Variants in NRG1 observed in about 807,000 individuals in gnomAD.
The protein encoded by NRG1 is pro-neuregulin-1, membrane-bound isoform.
In NRG1, 18 loss-of-function variants were observed where a neutral mutation model predicts 63.8. The ratio of observed to expected loss-of-function variants is 0.28; its 90% confidence interval spans 0.19 to 0.42. The LOEUF (loss-of-function observed/expected upper bound fraction) is 0.42, where lower values mean the gene tolerates loss of function less well. Ranked by LOEUF, NRG1 falls within the 10% of genes least tolerant of loss-of-function variation. NRG1 has a pLI of 1.00. For missense variants in NRG1, 762 were observed against 814.7 expected, an observed-to-expected ratio of 0.94 and a Z score of 0.79; for synonymous variants, 302 against 301.3, an observed-to-expected ratio of 1.00 and a Z score of -0.02.
intron 1 of NRG1, among the ~76,000 whole-genome samples, chr8:31,891,340 A>G (rs1181406700): frequency 6.6e-6 from 1 of 152,180 alleles, no homozygotes; most frequent in Non-Finnish European, 1.5e-5. Flanking sequence ...ACAAAGAGAT[A>G]TTTCACCAAA....
intron 1 of NRG1, among the ~76,000 whole-genome samples, chr8:32,157,393 G>A (rs549334835): frequency 3.0e-4 from 45 of 149,614 alleles, no homozygotes; most frequent in African/African-American, 1.0e-3. Context: ...CGGGCATGGC[G>A]GCTCACGCCT....
chr8:31,823,075 T>C lies in NRG1; in HGVS notation c.37+183644T>C, dbSNP rs543130019. On this transcript the variant is annotated intron_variant, in intron 1 of 10. Coordinates refer to the NRG1 transcript ENST00000519301. Reference sequence around the variant, plus strand: ...AATTATGACCAAAGGTATGTGTGTGTGTGGTAGTTTGGTTTATACTTGCTT... The same window carrying C: ...AATTATGACCAAAGGTATGTGTGTGCGTGGTAGTTTGGTTTATACTTGCTT... 3.8e-4 allele frequency among the ~76,000 whole-genome samples: 57 copies of C among 151,528 alleles called. 1 individual carries two copies. The highest frequency in any genetic ancestry group is 1.3e-3 in the African/African-American group (52 of 41,366).
At chr8:32,250,644 ACTGTTATTATAAAATGAATTTAGTAAC>A (rs1849004887) in intron 1 of NRG1, among the ~76,000 whole-genome samples, 1 of 152,168 alleles carries the variant, frequency 6.6e-6, no homozygotes, top group Non-Finnish European at 1.5e-5. Flanking sequence ...ATCTTTTAAA[ACTGTTATTATAAAATGAATTTAGTAAC>A]CTTTTCAAAA....
At chr8:31,700,423 G>T (rs1418269272) in intron 1 of NRG1, among the ~76,000 whole-genome samples, 1 of 152,174 alleles carries the variant, frequency 6.6e-6, no homozygotes, top group Non-Finnish European at 1.5e-5. Flanking sequence ...GATGGTTTGT[G>T]TGGAGCTGGT....
intron 1 of NRG1, among the ~76,000 whole-genome samples, chr8:32,594,890 A>G (rs1017385662): frequency 3.3e-5 from 5 of 152,210 alleles, no homozygotes; most frequent in African/African-American, 1.2e-4. Flanking sequence ...GAGTGATAGC[A>G]TCAGAGAATT....
intron 1 of NRG1, among the ~76,000 whole-genome samples, chr8:31,999,388 G>C (rs1223183109): frequency 1.3e-5 from 2 of 151,930 alleles, no homozygotes; most frequent in Admixed American, 6.6e-5. Flanking sequence ...CTTGTGGTCA[G>C]AATCAAGTGG....
intron 1 of NRG1, among the ~76,000 whole-genome samples, chr8:31,653,972 G>C (rs1007821530): frequency 3.4e-5 from 5 of 148,786 alleles, no homozygotes; most frequent in African/African-American, 5.0e-5. Context: ...TTTTTTCATA[G>C]TAGGATAAAT....
chr8:32,314,617 G>A (rs1374316967), intron 1 of NRG1, among the ~76,000 whole-genome samples: 1 of 152,172 alleles, frequency 6.6e-6, no homozygotes, highest in Non-Finnish European at 1.5e-5. Context: ...TCTTTCCAAA[G>A]AGATTCATTA....
Position 32,416,529 on chromosome 8 carries a change from A to C in NRG1, c.38-179299A>C, listed in dbSNP as rs756285361. Among the ~76,000 whole-genome samples, 44 of 152,318 alleles carry C rather than the reference A, an allele frequency of 2.9e-4. 1 individual carries two copies. The highest frequency in any genetic ancestry group is 3.4e-3 in the Middle Eastern group (1 of 294). ...CGAATATAGGCTTTTAACCAGCAGA[A>C]TCAGCATTACTTGACCCGAAAACTT... is the stretch of plus-strand genomic sequence containing the variant. On this transcript the variant is annotated intron_variant, in intron 1 of 10. Coordinates refer to the NRG1 transcript ENST00000519301.
intron 1 of NRG1, among the ~76,000 whole-genome samples, chr8:32,297,030 G>A (rs143911147): frequency 0.056 from 8,459 of 152,050 alleles, 279 homozygotes; most frequent in South Asian, 0.071. Context: ...CAGGAGAATC[G>A]CTTGAAACCA....
chr8:32,233,563 A>ATATATATATATATATATTTT (rs34593729), intron 1 of NRG1, among the ~76,000 whole-genome samples: 3 of 67,254 alleles, frequency 4.5e-5, no homozygotes, highest in African/African-American at 2.4e-4. Context: ...ATATATATAT[A>ATATATATATATATATATTTT]TTTTTTTTTT....
chr8:32,012,888 C>A (rs76542619), intron 1 of NRG1, among the ~76,000 whole-genome samples: 1 of 151,928 alleles, frequency 6.6e-6, no homozygotes, highest in Non-Finnish European at 1.5e-5. Flanking sequence ...GTTTTTTTTA[C>A]GCATTTTTGT....
In NRG1 at chr8:32,763,806, A is replaced by G. The variant is rs762920974; in HGVS notation, c.1318A>G (p.Ser440Gly). The G allele has an allele frequency of 5.0e-6, 8 of 1,596,476 alleles. No homozygotes were observed. The South Asian group carries it at 9.1e-5, about 18-fold the overall frequency. ...GTCACCTGTAGATTTCCACACGCCA[A>G]GCTCCCCCAAATCGCCCCCTTCGGA... The change falls in exon 12 of 12, where the codon AGC becomes GGC. Residue 440 changes from serine to glycine, a missense_variant. Physicochemically the swap from Ser to Gly is moderately conservative, Grantham distance 56. Transcript: ENST00000356819.
intron 1 of NRG1, among the ~76,000 whole-genome samples, chr8:32,255,542 G>A (rs1849601293): frequency 6.6e-6 from 1 of 152,126 alleles, no homozygotes; most frequent in Non-Finnish European, 1.5e-5. Context: ...TGGCTTGTAG[G>A]GTTTCTGCAG....
chr8:32,083,033 T>A (rs990662349), intron 1 of NRG1, among the ~76,000 whole-genome samples: 1 of 152,184 alleles, frequency 6.6e-6, no homozygotes, highest in Admixed American at 6.6e-5. Flanking sequence ...ACAAAGGTGA[T>A]GTGAGTTACA....
chr8:32,602,374 T>C (rs1844529783), intron 2 of NRG1, among the ~76,000 whole-genome samples: 1 of 152,110 alleles, frequency 6.6e-6, no homozygotes, highest in African/African-American at 2.4e-5. Context: ...CCTTTAAGAT[T>C]ATGTTAACTG....
chr8:32,547,627 G>A (rs868216570), upstream of NRG1, among the ~76,000 whole-genome samples: 35 of 125,350 alleles, frequency 2.8e-4, no homozygotes, highest in Non-Finnish European at 4.6e-4. Flanking sequence ...ACACACACAC[G>A]CACACGGCGC....
At chr8:32,474,447 GAAGACCCTAC>G (rs2129491301) in intron 1 of NRG1, among the ~76,000 whole-genome samples, 1 of 151,186 alleles carries the variant, frequency 6.6e-6, no homozygotes, top group African/African-American at 2.4e-5. Context: ...CCAGGGTCCT[GAAGACCCTAC>G]CTCTGGTTCT....
At chr8:31,926,353 A>G (rs1834358158) in intron 1 of NRG1, among the ~76,000 whole-genome samples, 1 of 151,994 alleles carries the variant, frequency 6.6e-6, no homozygotes, top group Non-Finnish European at 1.5e-5. Context: ...CTGCTTGTGA[A>G]TAAGCAGTTG....
Sources: gnomAD v4.1 joint callset for allele counts (sites outside exome capture counted in the v4.1 genomes callset) on GRCh38, gnomAD v4.1.1 for gene constraint, MANE v1.5 for transcripts, NCBI Gene and HGNC (gene_info 2026-07-23, HGNC 2026-07-21) for gene names.